Variants in SDK1 observed in about 807,000 individuals in gnomAD.
SDK1 encodes the protein sidekick cell adhesion molecule 1, also known as protein sidekick-1.
SDK1 carries 157 observed loss-of-function variants against 245.5 expected under a neutral mutation model. The observed-to-expected ratio is 0.64, with a 90% CI of 0.56 to 0.73. SDK1 has a LOEUF of 0.73. Ranked by LOEUF, SDK1 falls within the 30% of genes least tolerant of loss-of-function variation. The pLI, the probability that SDK1 is intolerant of heterozygous loss-of-function variation, is 0.00. For missense variants in SDK1, 3,583 were observed against 3,002.3 expected, an observed-to-expected ratio of 1.19 and a Z score of -4.52; for synonymous variants, 1,647 against 1,278.5, an observed-to-expected ratio of 1.29 and a Z score of -6.15.
At chr7:3,725,064 C>A (rs1474380048) in intron 4 of SDK1, among the ~76,000 whole-genome samples, 1 of 152,160 alleles carries the variant, frequency 6.6e-6, no homozygotes, top group African/African-American at 2.4e-5. Context: ...GTGAATGGGC[C>A]TAGTTGTTAC....
rs200409088 is a variant in SDK1, at chr7:3,565,108, T to A, written c.299-53972T>A. Reference sequence around the variant, plus strand: ...TGCTACTACTGTCACTTTTATTACTTTTTTTTTTTTTTAAACCTCACAAGG... The same window carrying A: ...TGCTACTACTGTCACTTTTATTACTATTTTTTTTTTTTAAACCTCACAAGG... On this transcript the variant is annotated intron_variant, in intron 1 of 44. Transcript: ENST00000404826. Among the ~76,000 whole-genome samples the A allele has an allele frequency of 1.0e-3, 144 of 142,270 alleles. No individual in the cohort carries two copies. The East Asian group carries it at 0.021, about 21-fold the overall frequency. 93.3% of individuals were successfully genotyped at this position (142,270 alleles called of 152,430 possible). A position where few individuals can be genotyped will look rare whatever the true frequency, so the allele number is the denominator to read the frequency against.
chr7:3,573,777 C>G (rs573540039), intron 1 of SDK1, among the ~76,000 whole-genome samples: 1 of 151,940 alleles, frequency 6.6e-6, no homozygotes, highest in African/African-American at 2.4e-5. Context: ...TGATTTTTGA[C>G]CCTTCCTTTT....
At chr7:3,970,007 C>T (rs1782363489) in intron 11 of SDK1, among the ~76,000 whole-genome samples, 1 of 152,206 alleles carries the variant, frequency 6.6e-6, no homozygotes, top group African/African-American at 2.4e-5. Flanking sequence ...AATCAAGACA[C>T]ATTTTGGAAA....
intron 2 of SDK1, 53 bp from the exon 3 acceptor site, chr7:3,638,951 T>A (rs924926344): frequency 2.7e-5 from 30 of 1,099,686 alleles, no homozygotes; most frequent in Non-Finnish European, 3.9e-5. Context: ...TGGTTAGATA[T>A]AACCATGAAA....
intron 1 of SDK1, among the ~76,000 whole-genome samples, chr7:3,504,606 C>T (rs985100835): frequency 6.6e-6 from 1 of 152,042 alleles, no homozygotes; most frequent in Non-Finnish European, 1.5e-5. Context: ...AACTGGATAT[C>T]TACAAGAAAA....
At chr7:3,740,032 T>C (rs1463302153) in intron 4 of SDK1, among the ~76,000 whole-genome samples, 1 of 152,224 alleles carries the variant, frequency 6.6e-6, no homozygotes, top group Non-Finnish European at 1.5e-5. Context: ...GGTCATCTAA[T>C]AACTGGATAC....
At chr7:3,534,530 A>G (rs944668304) in intron 1 of SDK1, among the ~76,000 whole-genome samples, 15 of 151,900 alleles carry the variant, frequency 9.9e-5, no homozygotes, top group African/African-American at 3.4e-4. Flanking sequence ...ATTTCTCCAC[A>G]TCCTCCCCAG....
rs559426527 is a variant in SDK1 at position 4,110,038 on chromosome 7, C to G, written c.3325-625C>G. ...GGCAAGTCTCTGTTGAAGGGAGTGG[C>G]TCTTCCCTCGTCAACACTGCCAGGA... is the stretch of plus-strand genomic sequence containing the variant. On this transcript the variant is annotated intron_variant, in intron 22 of 44. Coordinates refer to ENST00000404826, the MANE Select transcript of SDK1 (RefSeq NM_152744.4). 8.5e-5 allele frequency among the ~76,000 whole-genome samples: 13 copies of G among 152,194 alleles called. No homozygotes were observed. In the East Asian group the frequency reaches 2.3e-3, roughly 27 times the overall value.
intron 1 of SDK1, among the ~76,000 whole-genome samples, chr7:3,527,330 A>T (rs1455600314): frequency 2.0e-5 from 3 of 152,228 alleles, no homozygotes; most frequent in Non-Finnish European, 1.5e-5. Context: ...AGTGTTGAGT[A>T]CTGTGAAGAA....
At chr7:3,954,257 CTCTACA>C (rs1781060478) in intron 7 of SDK1, among the ~76,000 whole-genome samples, 1 of 128,232 alleles carries the variant, frequency 7.8e-6, no homozygotes, top group Admixed American at 7.7e-5. Context: ...CCTGCCTCCC[CTCTACA>C]CCCTCCTCTC....
In SDK1 at chr7:3,853,456, CTG is replaced by C. The variant is rs1181849521; in HGVS notation, c.847+31875_847+31876del. On this transcript the variant is annotated intron_variant, in intron 5 of 44. Transcript: ENST00000404826. Reference sequence around the variant, plus strand: ...TCAAGTGATTTTAATATTAAAAACTCTGTTAGAAAATTTTATAATTAAATTTT... The same window carrying C: ...TCAAGTGATTTTAATATTAAAAACTCTTAGAAAATTTTATAATTAAATTTT... Among the ~76,000 whole-genome samples the C allele has an allele frequency of 8.5e-5, 13 of 152,146 alleles. No homozygotes were observed. In the East Asian group the frequency reaches 9.7e-4, roughly 11 times the overall value.
At chr7:4,235,651 CAATT>C (rs1266130277) in intron 41 of SDK1, among the ~76,000 whole-genome samples, 4 of 152,202 alleles carry the variant, frequency 2.6e-5, no homozygotes, top group Non-Finnish European at 4.4e-5. Flanking sequence ...TGGTACAGAG[CAATT>C]ACACATGCAC....
At chr7:3,690,853 GAACTTTCATAATAGACAGTCTCAA>G (rs1021929212) in intron 4 of SDK1, among the ~76,000 whole-genome samples, 2 of 152,148 alleles carry the variant, frequency 1.3e-5, no homozygotes, top group African/African-American at 4.8e-5. Context: ...GTGTATATAA[GAACTTTCATAATAGACAGTCTCAA>G]AACACTTCAG....
chr7:4,260,823 C>T (rs1787954535), intron 44 of SDK1, among the ~76,000 whole-genome samples: 1 of 148,888 alleles, frequency 6.7e-6, no homozygotes, highest in East Asian at 2.0e-4. Context: ...AAGCTGGCTG[C>T]TCCGGGGTCT....
At chr7:4,144,002 C>T (rs565541006) in intron 28 of SDK1, among the ~76,000 whole-genome samples, 6 of 152,168 alleles carry the variant, frequency 3.9e-5, no homozygotes, top group Non-Finnish European at 7.3e-5. Context: ...CCCGAAGCCT[C>T]AGACTGAGCT....
intron 1 of SDK1, among the ~76,000 whole-genome samples, chr7:3,425,447 C>T (rs1779649152): frequency 6.6e-6 from 1 of 152,106 alleles, no homozygotes; most frequent in African/African-American, 2.4e-5. Flanking sequence ...TGTATTTTGG[C>T]ATAAACTGAA....
chr7:3,506,206 A>C (rs951790392), intron 1 of SDK1, among the ~76,000 whole-genome samples: 3 of 152,056 alleles, frequency 2.0e-5, no homozygotes, highest in Admixed American at 6.6e-5. Context: ...TGCTTGAAAA[A>C]AATTTTGGTA....
At chr7:3,497,406 C>G (rs1221486224) in intron 1 of SDK1, among the ~76,000 whole-genome samples, 1 of 152,088 alleles carries the variant, frequency 6.6e-6, no homozygotes, top group Admixed American at 6.6e-5. Context: ...GTTTATCAGT[C>G]TTTTTGTAGC....
chr7:3,988,145 T>TG (rs971173833), intron 14 of SDK1, among the ~76,000 whole-genome samples: 1 of 144,570 alleles, frequency 6.9e-6, no homozygotes, highest in Non-Finnish European at 1.5e-5. Flanking sequence ...TTTTTTTTTT[T>TG]TTTTTTTTTT....
Sources: allele counts gnomAD v4.1 joint callset (sites outside exome capture counted in the v4.1 genomes callset), GRCh38; gene constraint gnomAD v4.1.1; transcripts MANE v1.5; gene names NCBI Gene and HGNC (gene_info 2026-07-23, HGNC 2026-07-21).